ULK4: variants seen among roughly 807,000 people sequenced by gnomAD.
ULK4 encodes the protein unc-51 like kinase 4, also known as inactive serine/threonine-protein kinase ULK4.
ULK4 carries 133 observed loss-of-function variants against 160.6 expected under a neutral mutation model. The observed-to-expected ratio is 0.83, with a 90% CI of 0.72 to 0.96. The LOEUF is 0.96. Ranked by LOEUF, ULK4 falls within the 40% of genes least tolerant of loss-of-function variation. ULK4 has a pLI of 0.00. For missense variants in ULK4, 1,580 were observed against 1,499.5 expected (o/e 1.05, Z -0.89); for synonymous variants, 534 against 539.8 (o/e 0.99, Z 0.15).
At chr3:41,567,690 C>G (rs1180944820) in intron 31 of ULK4, among the ~76,000 whole-genome samples, 1 of 152,010 alleles carries the variant, frequency 6.6e-6, no homozygotes, top group African/African-American at 2.4e-5. Flanking sequence ...GTCTCGATCT[C>G]TTGACCTCGT....
At chr3:41,503,299 C>T (rs2085273479) in intron 32 of ULK4, among the ~76,000 whole-genome samples, 1 of 152,208 alleles carries the variant, frequency 6.6e-6, no homozygotes, top group Non-Finnish European at 1.5e-5. Flanking sequence ...AGTTAGTGCA[C>T]CAAAACTATC....
chr3:41,910,410 A>G (rs1698738701), intron 11 of ULK4, among the ~76,000 whole-genome samples: 2 of 152,074 alleles, frequency 1.3e-5, no homozygotes, highest in Admixed American at 1.3e-4. Context: ...CCTGGCCAAC[A>G]TGGCAAAATC....
intron 17 of ULK4, among the ~76,000 whole-genome samples, chr3:41,849,070 A>C (rs1352016816): frequency 6.6e-6 from 1 of 152,200 alleles, no homozygotes; most frequent in Non-Finnish European, 1.5e-5. Flanking sequence ...CAGAAAATGA[A>C]AGCAGCCTGG....
intron 30 of ULK4, among the ~76,000 whole-genome samples, chr3:41,636,554 A>G (rs1280898978): frequency 5.3e-5 from 8 of 151,852 alleles, no homozygotes; most frequent in Admixed American, 3.3e-4. Flanking sequence ...AAAAAAAGAA[A>G]AGAAGAGAAG....
At chr3:41,335,514 G>C (rs1024367145) in intron 35 of ULK4, among the ~76,000 whole-genome samples, 5 of 152,218 alleles carry the variant, frequency 3.3e-5, no homozygotes, top group African/African-American at 1.2e-4. Context: ...CTAAGAAATG[G>C]AGAAATAGTG....
intron 17 of ULK4, among the ~76,000 whole-genome samples, chr3:41,866,363 A>G (rs926091552): frequency 6.6e-5 from 10 of 152,156 alleles, no homozygotes; most frequent in Admixed American, 5.9e-4. Context: ...GGAACTGGAG[A>G]TCAGTTTTGT....
At chr3:41,947,124 G>A (rs1206382087) in intron 2 of ULK4, among the ~76,000 whole-genome samples, 1 of 152,094 alleles carries the variant, frequency 6.6e-6, no homozygotes, top group South Asian at 2.1e-4. Context: ...TCGGGAGATC[G>A]AGACCATCCT....
At chr3:41,381,380 G>T (rs1294673173) in intron 35 of ULK4, among the ~76,000 whole-genome samples, 1 of 152,122 alleles carries the variant, frequency 6.6e-6, no homozygotes, top group Non-Finnish European at 1.5e-5. Context: ...ACCTCTTTCT[G>T]TTGGAATTCC....
At chr3:41,475,866 G>A (rs530213961) in intron 32 of ULK4, among the ~76,000 whole-genome samples, 2 of 152,048 alleles carry the variant, frequency 1.3e-5, no homozygotes, top group South Asian at 4.2e-4. Context: ...AAGAAGTTAG[G>A]AAACAGGAAG....
intron 12 of ULK4, 44 bp downstream of exon 12, chr3:41,907,801 C>T (rs763316565): frequency 2.4e-6 from 3 of 1,260,342 alleles, no homozygotes; most frequent in East Asian, 2.6e-5. Flanking sequence ...TTCTTGTGAG[C>T]TTCTACATCT....
chr3:41,946,466 C>A (rs933117865), intron 2 of ULK4, among the ~76,000 whole-genome samples: 1 of 152,170 alleles, frequency 6.6e-6, no homozygotes, highest in African/African-American at 2.4e-5. Flanking sequence ...TACATGACTG[C>A]ATACGTTTGT....
Position 41,617,679 on chromosome 3 carries a change from A to G in ULK4, c.3072-1962T>C, listed in dbSNP as rs982412126. Among the ~76,000 whole-genome samples, 25 of 152,186 alleles carry G rather than the reference A, an allele frequency of 1.6e-4. 1 individual carries two copies. The highest frequency in any genetic ancestry group is 2.4e-5 in the African/African-American group (1 of 41,450). On this transcript the variant is annotated intron_variant, in intron 30 of 36. Coordinates refer to ENST00000301831, the MANE Select transcript of ULK4 (RefSeq NM_017886.4). ...GAAGATGAGGGAAAGTCAGCACAAA[A>G]ATGCTGAAAATTTCAAAATCCAGAA...
At chr3:41,371,470 T>G (rs545847207) in intron 35 of ULK4, among the ~76,000 whole-genome samples, 3 of 152,184 alleles carry the variant, frequency 2.0e-5, no homozygotes, top group Admixed American at 6.5e-5. Context: ...TCTTTGCTGT[T>G]CTGCAGCCTC....
intron 27 of ULK4, among the ~76,000 whole-genome samples, chr3:41,703,483 T>C (rs768936974): frequency 3.5e-4 from 53 of 152,158 alleles, no homozygotes; most frequent in Non-Finnish European, 6.8e-4. Flanking sequence ...AAACTATATA[T>C]ACCAAAACTT....
At chr3:41,935,201 ATTTATTTATTTTTTTTT>A (rs1559660864) in intron 4 of ULK4, among the ~76,000 whole-genome samples, 108 of 2,530 alleles carry the variant, frequency 0.043, 1 homozygote, top group Admixed American at 0.047. Flanking sequence ...GTTTTTATTT[ATTTATTTATTTTTTTTT>A]TTTTTTTTTT....
At chr3:41,913,597 G>C (rs544943141) in intron 8 of ULK4, among the ~76,000 whole-genome samples, 1 of 152,134 alleles carries the variant, frequency 6.6e-6, no homozygotes, top group Non-Finnish European at 1.5e-5. Context: ...ACAGAGGCAA[G>C]ATTATTTTAC....
rs527671557 is a variant in ULK4, at chr3:41,841,391, G to A, written c.1657-5420C>T. 8.4e-4 allele frequency among the ~76,000 whole-genome samples: 125 copies of A among 148,408 alleles called. 2 individuals carry two copies. Among genetic ancestry groups the A allele is most frequent in the African/African-American group, 2.2e-3 (88 of 39,866 alleles). On this transcript the variant is annotated intron_variant, in intron 17 of 36. Coordinates refer to ENST00000301831, the MANE Select transcript of ULK4 (RefSeq NM_017886.4). ...GAGCGCCTCTGCCCGGCTGCCCTTC[G>A]TGTGGGAGGTAGAGAGCGCCTGTGC...
chr3:41,923,600 T>A (rs1189870291), intron 5 of ULK4, among the ~76,000 whole-genome samples: 1 of 152,194 alleles, frequency 6.6e-6, no homozygotes, highest in East Asian at 1.9e-4. Context: ...ATTAGCTGGG[T>A]GCAGTCATGA....
At chr3:41,409,201 A>G (rs1459120722) in intron 34 of ULK4, among the ~76,000 whole-genome samples, 1 of 152,214 alleles carries the variant, frequency 6.6e-6, no homozygotes, top group Non-Finnish European at 1.5e-5. Context: ...GGTTGCAGAG[A>G]GTGGAGATCA....
Sources: allele counts gnomAD v4.1 joint callset (sites outside exome capture counted in the v4.1 genomes callset), GRCh38; gene constraint gnomAD v4.1.1; transcripts MANE v1.5; gene names NCBI Gene and HGNC (gene_info 2026-07-23, HGNC 2026-07-21).